Variants in MAP3K15 observed in about 807,000 individuals in gnomAD.
The protein encoded by MAP3K15 is mitogen-activated protein kinase kinase kinase 15.
MAP3K15 carries 124 observed loss-of-function variants against 99.5 expected under a neutral mutation model. That is an observed-to-expected ratio of 1.25 (90% CI 1.08 to 1.45). The LOEUF (loss-of-function observed/expected upper bound fraction) is 1.45, where lower values mean the gene tolerates loss of function less well. Ranked by LOEUF, MAP3K15 falls within the 40% of genes most tolerant of loss-of-function variation. MAP3K15 has a pLI of 0.00. For missense variants in MAP3K15, 1,242 were observed against 1,079.7 expected (o/e 1.15, Z -2.11); for synonymous variants, 494 against 439.6 (o/e 1.12, Z -1.55).
intron 1 of MAP3K15, among the ~76,000 whole-genome samples, chrX:19,507,100 A>G (rs2064482443): frequency 8.9e-6 from 1 of 111,839 alleles, no homozygotes; most frequent in African/African-American, 3.2e-5. Flanking sequence ...GAATGCTGCT[A>G]ATTAGCATCT....
rs192633814 is a variant in MAP3K15, at chrX:19,427,445, A to G, written c.1167-1102T>C. Among the ~76,000 whole-genome samples the G allele has an allele frequency of 3.3e-3, 365 of 111,759 alleles. 1 individual carries two copies. Among genetic ancestry groups the G allele is most frequent in the Non-Finnish European group, 5.1e-3 (271 of 53,147 alleles). On this transcript the variant is annotated intron_variant, in intron 7 of 28. Transcript: ENST00000338883. Reference sequence around the variant, plus strand: ...ATATGGAGTTGTTTTTTCATGCAGGAAGCCGTATTGCCAAAATCCTGGATC... The same window carrying G: ...ATATGGAGTTGTTTTTTCATGCAGGGAGCCGTATTGCCAAAATCCTGGATC...
chrX:19,366,503 G>T (rs2147205696), intron 25 of MAP3K15, among the ~76,000 whole-genome samples: 1 of 111,935 alleles, frequency 8.9e-6, no homozygotes, highest in Non-Finnish European at 1.9e-5. Context: ...CCCAGTGGGA[G>T]ATAATTGAAT....
At chrX:19,433,010 C>T (rs2063896146) in intron 6 of MAP3K15, among the ~76,000 whole-genome samples, 1 of 112,297 alleles carries the variant, frequency 8.9e-6, no homozygotes, top group African/African-American at 3.2e-5. Context: ...CCGTGCCCAG[C>T]CAAGTGTCCT....
chrX:19,435,717 TC>T lies in MAP3K15; in HGVS notation c.996-4110del, dbSNP rs1485017694. On this transcript the variant is annotated intron_variant, in intron 6 of 28. Coordinates refer to ENST00000338883, the MANE Select transcript of MAP3K15 (RefSeq NM_001001671.4). ...TTTGGATCTGCTTATCATTTCCAGA[TC>T]CCAAGGTATCCAAGAACAAGCCTAC... Among the ~76,000 whole-genome samples, 4 of 112,248 alleles carry T rather than the reference TC, an allele frequency of 3.6e-5. No individual in the cohort carries two copies. In the East Asian group the frequency reaches 1.1e-3, roughly 31 times the overall value.
intron 5 of MAP3K15, 149 bp downstream of exon 5, chrX:19,459,836 G>A: frequency 2.4e-6 from 1 of 417,747 alleles, no homozygotes; most frequent in Non-Finnish European, 3.8e-6. Flanking sequence ...GGCAACAAGA[G>A]CAAAACTCCA....
intron 6 of MAP3K15, among the ~76,000 whole-genome samples, chrX:19,443,199 A>C (rs2063972411): frequency 1.0e-5 from 1 of 96,822 alleles, no homozygotes; most frequent in African/African-American, 3.9e-5. Context: ...TGCCTGGCTC[A>C]TTTTTGTATT....
At chrX:19,418,697 G>T (rs2063757321) in intron 9 of MAP3K15, among the ~76,000 whole-genome samples, 1 of 109,839 alleles carries the variant, frequency 9.1e-6, no homozygotes, top group Admixed American at 9.7e-5. Context: ...ACACCACAAA[G>T]ATACTCCTCG....
At chrX:19,398,101 G>T in intron 15 of MAP3K15, 125 bp downstream of exon 15, 47 of 577,872 alleles carry the variant, frequency 8.1e-5, no homozygotes, top group Non-Finnish European at 1.2e-4. Flanking sequence ...CCTATTACAA[G>T]AGAATGACAG....
intron 6 of MAP3K15, among the ~76,000 whole-genome samples, chrX:19,435,705 A>G (rs2063916333): frequency 8.9e-6 from 1 of 112,637 alleles, no homozygotes; most frequent in Non-Finnish European, 1.9e-5. Flanking sequence ...GGATCTGCTT[A>G]TCATTTCCAG....
chrX:19,483,703 GA>G (rs1569239829), intron 3 of MAP3K15, among the ~76,000 whole-genome samples: 2 of 111,285 alleles, frequency 1.8e-5, no homozygotes, highest in Non-Finnish European at 3.8e-5. Context: ...AATCCACATG[GA>G]GGGGACAATT....
At chrX:19,480,263 T>TC (rs1405488209) in intron 3 of MAP3K15, among the ~76,000 whole-genome samples, 3 of 111,510 alleles carry the variant, frequency 2.7e-5, no homozygotes, top group Admixed American at 1.9e-4. Flanking sequence ...GCTTTTTTTT[T>TC]CTCCAGAAAT....
intron 25 of MAP3K15, among the ~76,000 whole-genome samples, chrX:19,367,723 A>ATTATTTT: frequency 4.1e-5 from 1 of 24,139 alleles, no homozygotes; most frequent in African/African-American, 1.3e-4. Flanking sequence ...ATAACTATGG[A>ATTATTTT]TTTTTTTTTT....
At chrX:19,477,690 AC>A (rs1279644009) in intron 3 of MAP3K15, among the ~76,000 whole-genome samples, 2 of 72,899 alleles carry the variant, frequency 2.7e-5, no homozygotes, top group Non-Finnish European at 5.8e-5. Flanking sequence ...TGCCTGGGCA[AC>A]AGAGCAAGAG....
chrX:19,456,977 G>C lies in MAP3K15; in HGVS notation c.931C>G (p.Leu311Val). The change falls in exon 6 of 29, where the codon CTG becomes GTG. Residue 311 changes from leucine to valine, a missense_variant. Physicochemically the swap from Leu to Val is conservative, Grantham distance 32. Coordinates refer to ENST00000338883, the MANE Select transcript of MAP3K15 (RefSeq NM_001001671.4). ...TGATCGGCCAAATCACACGTAGGCAGCATCTCCAGTGTTTCCACCAGCTTC... is the reference window on the plus strand; with the variant it reads ...TGATCGGCCAAATCACACGTAGGCACCATCTCCAGTGTTTCCACCAGCTTC... ...MVKLVETLEM[L>V]PTCDLADQHN... 2.5e-6 allele frequency: 3 copies of C among 1,199,359 alleles called. No individual in the cohort carries two copies. Among genetic ancestry groups the C allele is most frequent in the Non-Finnish European group, 3.4e-6 (3 of 894,337 alleles).
intron 6 of MAP3K15, among the ~76,000 whole-genome samples, chrX:19,449,143 C>T (rs1034871640): frequency 1.8e-5 from 2 of 109,945 alleles, no homozygotes; most frequent in Non-Finnish European, 1.9e-5. Context: ...ACTTGGCACT[C>T]GCCCTGTTGA....
intron 26 of MAP3K15, 188 bp from the exon 27 acceptor site, chrX:19,361,781 C>G (rs1177188586): frequency 1.6e-5 from 6 of 363,975 alleles, no homozygotes; most frequent in Non-Finnish European, 2.8e-5. Flanking sequence ...TTCTAGAAAG[C>G]CTCCTCATCT....
chrX:19,415,358 A>G, intron 9 of MAP3K15, 101 bp from the exon 10 acceptor site: 1 of 788,138 alleles, frequency 1.3e-6, no homozygotes, highest in Non-Finnish European at 1.7e-6. Flanking sequence ...ATTCACTTAA[A>G]TTCATATTAT....
chrX:19,362,752 T>G lies in MAP3K15; in HGVS notation c.3665A>C (p.Lys1222Thr), dbSNP rs1277278348. The G allele has an allele frequency of 8.7e-7, 1 of 1,154,791 alleles. No homozygotes were observed. Among genetic ancestry groups the G allele is most frequent in the African/African-American group, 1.8e-5 (1 of 55,818 alleles). The change falls in exon 26 of 29, where the codon AAA becomes ACA. Residue 1222 changes from lysine to threonine, a missense_variant. Physicochemically the swap from Lys to Thr is moderately conservative, Grantham distance 78. Coordinates refer to ENST00000338883, the MANE Select transcript of MAP3K15 (RefSeq NM_001001671.4). ...AAATGACTTACAATTCGATTTTAAT[T>G]TTAACTGAAGGTGATACAATTCTTG... ...KTQELYHLQLKLKSNCITENP... is the reference protein window; with the variant it reads ...KTQELYHLQLTLKSNCITENP...
At chrX:19,494,080 A>G (rs1214699982) in intron 1 of MAP3K15, among the ~76,000 whole-genome samples, 2 of 107,941 alleles carry the variant, frequency 1.9e-5, no homozygotes, top group Admixed American at 1.0e-4. Flanking sequence ...AGCTTCAGGG[A>G]AAAAAAAAAC....
Sources: allele counts gnomAD v4.1 joint callset (sites outside exome capture counted in the v4.1 genomes callset), GRCh38; gene constraint gnomAD v4.1.1; transcripts MANE v1.5; gene names NCBI Gene and HGNC (gene_info 2026-07-23, HGNC 2026-07-21).